The following EGFR variants were observed in gnomAD, a reference collection of about 807,000 sequenced individuals.
The protein encoded by EGFR is avian erythroblastic leukemia viral (v-erb-b) oncogene homolog.
In EGFR, 58 loss-of-function variants were observed where a neutral mutation model predicts 143.0. The ratio of observed to expected loss-of-function variants is 0.41; its 90% CI spans 0.33 to 0.50. The LOEUF is 0.50. Ranked by LOEUF, EGFR falls within the 20% of genes least tolerant of loss-of-function variation. The pLI is 0.39. For synonymous variants in EGFR, 613 were observed against 594.4 expected (o/e 1.03, Z -0.45); for missense variants, 1,307 against 1,579.0 (o/e 0.83, Z 2.92).
At chr7:55,109,942 G>T (rs1255436152) in intron 1 of EGFR, 3 of 985,328 alleles carry the variant, frequency 3.0e-6, no homozygotes, top group Admixed American at 6.1e-5. Flanking sequence ...CGCTGAGAAG[G>T]TTATCCGGAT....
Position 55,205,644 on chromosome 7 carries a change from A to C in EGFR, c.*27A>C. On this transcript the variant is annotated 3_prime_UTR_variant, in exon 28 of 28. Coordinates refer to ENST00000275493, the MANE Select transcript of EGFR (RefSeq NM_005228.5). ...CACGGAGGATAGTATGAGCCCTAAA[A>C]ATCCAGACTCTTTCGATACCCAGGA... is the stretch of plus-strand genomic sequence containing the variant. The C allele has an allele frequency of 2.5e-6, 4 of 1,614,090 alleles. No homozygotes were observed. The highest frequency in any genetic ancestry group is 3.4e-6 in the Non-Finnish European group (4 of 1,179,984).
In EGFR at chr7:55,120,716, G is replaced by A. The variant is rs150331366; in HGVS notation, c.89-21570G>A. 3.4e-4 allele frequency among the ~76,000 whole-genome samples: 52 copies of A among 152,302 alleles called. 1 individual carries two copies. The East Asian group carries it at 7.3e-3, about 21-fold the overall frequency. On this transcript the variant is annotated intron_variant, in intron 1 of 27. Transcript: ENST00000275493. ...AATGGTGAACAGATTAGCTCTCCTG[G>A]GAACGTTGTTGACACATCTCATAAC...
At chr7:55,187,092 AT>A (rs1225900380) in intron 20 of EGFR, among the ~76,000 whole-genome samples, 1 of 152,154 alleles carries the variant, frequency 6.6e-6, no homozygotes, top group Non-Finnish European at 1.5e-5. Flanking sequence ...TGACTGGGAG[AT>A]GCTGAGGACA....
Position 55,163,886 on chromosome 7 carries a change from A to G in EGFR, c.1722+63A>G, listed in dbSNP as rs1191504916. On this transcript the variant is annotated intron_variant, in intron 14 of 27. Coordinates refer to ENST00000275493, the MANE Select transcript of EGFR (RefSeq NM_005228.5). ...GGAAGGGCCTTCACAGAAGCCGAACAGTGATGATGGCCCAGGGCATCCTGT... is the reference window on the plus strand; with the variant it reads ...GGAAGGGCCTTCACAGAAGCCGAACGGTGATGATGGCCCAGGGCATCCTGT... 4 of 1,567,656 alleles carry G rather than the reference A, an allele frequency of 2.6e-6. No individual in the cohort carries two copies. The Admixed American group carries it at 5.0e-5, about 20-fold the overall frequency.
intron 1 of EGFR, among the ~76,000 whole-genome samples, chr7:55,128,036 C>T (rs1245615047): frequency 2.0e-5 from 3 of 152,164 alleles, no homozygotes; most frequent in African/African-American, 2.4e-5. Flanking sequence ...GGCTTCCCAT[C>T]CTCCTGGAGT....
chr7:55,051,163 C>T (rs1448886117), intron 1 of EGFR, among the ~76,000 whole-genome samples: 2 of 152,184 alleles, frequency 1.3e-5, no homozygotes, highest in African/African-American at 2.4e-5. Context: ...GAGGTTGTTG[C>T]TCTTTGCACA....
intron 1 of EGFR, among the ~76,000 whole-genome samples, chr7:55,118,433 G>C (rs900463298): frequency 1.3e-5 from 2 of 152,168 alleles, no homozygotes; most frequent in Non-Finnish European, 2.9e-5. Flanking sequence ...GTAGGTACCT[G>C]AAGGCACCAT....
intron 1 of EGFR, among the ~76,000 whole-genome samples, chr7:55,030,021 T>G (rs1275135913): frequency 4.6e-5 from 7 of 152,190 alleles, no homozygotes; most frequent in African/African-American, 1.7e-4. Context: ...TCTCTCAGCC[T>G]CCTACAACCC....
In EGFR at chr7:55,200,355, A is replaced by G. The variant is rs751632602; in HGVS notation, c.2888A>G (p.Glu963Gly). Residue 963 changes from glutamate to glycine, a missense_variant, in exon 24 of 28, where the codon GAG becomes GGG. By Grantham distance (98) the Glu-to-Gly change is moderately conservative. Around this residue, in one of 7 missense-constraint regions of EGFR, gnomAD observed 348 missense variants for 451.5 expected, o/e 0.77. Coordinates refer to ENST00000275493, the MANE Select transcript of EGFR (RefSeq NM_005228.5). ...IDADSRPKFR[E>G]LIIEFSKMAR... The stretch of plus-strand genomic sequence containing the variant: ...GCAGATAGTCGCCCAAAGTTCCGTG[A>G]GTTGATCATCGAATTCTCCAAAATG... 10 of 1,613,966 alleles carry G rather than the reference A, an allele frequency of 6.2e-6. No homozygotes were observed. Among genetic ancestry groups the G allele is most frequent in the Non-Finnish European group, 8.5e-6 (10 of 1,180,040 alleles).
At chr7:55,051,592 C>A (rs1415814751) in intron 1 of EGFR, among the ~76,000 whole-genome samples, 1 of 152,172 alleles carries the variant, frequency 6.6e-6, no homozygotes, top group African/African-American at 2.4e-5. Context: ...AGACAAATTT[C>A]TTTTCTTTAT....
chr7:55,061,625 T>C (rs1469284898), intron 1 of EGFR, among the ~76,000 whole-genome samples: 2 of 130,072 alleles, frequency 1.5e-5, no homozygotes, highest in African/African-American at 5.8e-5. Flanking sequence ...TGTGTGTGTG[T>C]GTGTGTGTGT....
chr7:55,121,882 G>C (rs909196617), intron 1 of EGFR, among the ~76,000 whole-genome samples: 1 of 152,200 alleles, frequency 6.6e-6, no homozygotes, highest in African/African-American at 2.4e-5. Flanking sequence ...GAATGAAGCT[G>C]TCCCATGTGG....
intron 1 of EGFR, among the ~76,000 whole-genome samples, chr7:55,088,947 A>T (rs138594732): frequency 6.6e-6 from 1 of 152,174 alleles, no homozygotes; most frequent in African/African-American, 2.4e-5. Flanking sequence ...TAAAAAGTAT[A>T]ATGATTTCAG....
intron 1 of EGFR, among the ~76,000 whole-genome samples, chr7:55,066,964 T>C (rs983032232): frequency 6.6e-5 from 10 of 152,160 alleles, no homozygotes; most frequent in Non-Finnish European, 1.2e-4. Flanking sequence ...GCTGGTCACT[T>C]GGGAGGCAGG....
intron 1 of EGFR, among the ~76,000 whole-genome samples, chr7:55,136,552 T>A (rs977035473): frequency 1.3e-5 from 2 of 152,238 alleles, no homozygotes; most frequent in Admixed American, 1.3e-4. Flanking sequence ...ATAAGCTATC[T>A]ATATATACAC....
intron 1 of EGFR, among the ~76,000 whole-genome samples, chr7:55,096,427 G>A (rs1033548749): frequency 3.9e-5 from 6 of 152,220 alleles, no homozygotes; most frequent in Admixed American, 1.3e-4. Flanking sequence ...AATGCAGAAC[G>A]GCAGGGCCAG....
Position 55,020,559 on chromosome 7 carries a change from TACAC to T in EGFR, c.88+1225_88+1228del, listed in dbSNP as rs11568315. On this transcript the variant is annotated intron_variant, in intron 1 of 27. Transcript: ENST00000275493. ...GCCAACCAAAATATTAAACCTGTCTTACACACACACACACACACACACACACACA... is the reference window on the plus strand; with the variant it reads ...GCCAACCAAAATATTAAACCTGTCTTACACACACACACACACACACACACA... 8.4e-3 allele frequency among the ~76,000 whole-genome samples: 1,218 copies of T among 145,216 alleles called. 5 individuals carry two copies. The highest frequency in any genetic ancestry group is 0.011 in the African/African-American group (439 of 39,234).
intron 1 of EGFR, among the ~76,000 whole-genome samples, chr7:55,061,676 G>C (rs1413582367): frequency 2.6e-5 from 4 of 151,472 alleles, no homozygotes; most frequent in African/African-American, 9.7e-5. Context: ...GAGAGAGACT[G>C]TAAACATATA....
intron 15 of EGFR, chr7:55,170,641 T>A (rs1298161714): frequency 6.3e-7 from 1 of 1,599,552 alleles, no homozygotes; most frequent in African/African-American, 1.3e-5. Flanking sequence ...CCCATTTCCT[T>A]CCTTCCACTC....
Sources: allele counts gnomAD v4.1 joint callset (sites outside exome capture counted in the v4.1 genomes callset), GRCh38; gene constraint gnomAD v4.1.1; regional missense constraint gnomAD v4.1.1; transcripts MANE v1.5; gene names NCBI Gene and HGNC (gene_info 2026-07-23, HGNC 2026-07-21).